The following LRRC8E variants were observed in gnomAD, a reference collection of about 807,000 sequenced individuals.
LRRC8E encodes the protein leucine rich repeat containing 8 VRAC subunit E.
In LRRC8E, 6 loss-of-function variants were observed where a neutral mutation model predicts 6.1. The ratio of observed to expected loss-of-function variants is 0.98; its 90% confidence interval spans 0.54 to 1.93. The LOEUF is 1.93. Among genes scored for constraint, LRRC8E ranks in the 30% most tolerant of loss-of-function variants. The pLI is 0.01. For synonymous variants in LRRC8E, 485 were observed against 472.8 expected, an observed-to-expected ratio of 1.03 and a Z score of -0.33; for missense variants, 1,028 against 1,031.4, an observed-to-expected ratio of 1.00 and a Z score of 0.04.
At chr19:7,897,289 C>T (rs1290612656) in intron 2 of LRRC8E, among the ~76,000 whole-genome samples, 4 of 151,908 alleles carry the variant, frequency 2.6e-5, no homozygotes, top group African/African-American at 9.7e-5. Context: ...CCTGGCTTAG[C>T]CTCCCAAGTA....
intron 2 of LRRC8E, among the ~76,000 whole-genome samples, chr19:7,896,814 C>T (rs904872693): frequency 6.6e-6 from 1 of 151,876 alleles, no homozygotes; most frequent in South Asian, 2.1e-4. Flanking sequence ...AGGCTTGTCT[C>T]GGACTCCGGG....
intron 1 of LRRC8E, among the ~76,000 whole-genome samples, chr19:7,891,523 G>C (rs888926727): frequency 1.6e-5 from 2 of 124,966 alleles, no homozygotes; most frequent in African/African-American, 6.0e-5. Flanking sequence ...GTCCCTGCTC[G>C]GGTGTGTGTG....
At chr19:7,892,710 G>A (rs548893486) in intron 1 of LRRC8E, among the ~76,000 whole-genome samples, 76 of 152,282 alleles carry the variant, frequency 5.0e-4, no homozygotes, top group African/African-American at 1.7e-3. Context: ...ATTTTGGTGG[G>A]TGCAATGTAC....
rs1307657703 is a variant in LRRC8E, at chr19:7,897,170, T to TTA, written c.138+1430_138+1431insAT. ...TGACATTCTCCCAGTATTTTTCTTT[T>TTA]TCTTTTTCTTTTTTTTTTAGACAGA... is the stretch of plus-strand genomic sequence containing the variant. On this transcript the variant is annotated intron_variant, in intron 2 of 2. Transcript: ENST00000306708. 1.3e-4 allele frequency among the ~76,000 whole-genome samples: 16 copies of TTA among 124,376 alleles called. No individual in the cohort carries two copies. The East Asian group carries it at 4.6e-3, about 35-fold the overall frequency. 81.6% of individuals were successfully genotyped at this position (124,376 alleles called of 152,430 possible). A position where few individuals can be genotyped will look rare whatever the true frequency, so the allele number is the denominator to read the frequency against.
In LRRC8E at chr19:7,898,972, C is replaced by G. The variant is rs1034138525; in HGVS notation, c.450C>G (p.Ile150Met). The change falls in exon 3 of 3, where the codon ATC becomes ATG. Residue 150 changes from isoleucine to methionine, a missense_variant. Physicochemically the swap from Ile to Met is conservative, Grantham distance 10. Coordinates refer to ENST00000306708, the MANE Select transcript of LRRC8E (RefSeq NM_025061.6). ...PGTSSKIEHF[I>M]SILGKCFDSP... ...CCAGCTCCAAGATTGAACACTTCAT[C>G]TCCATCCTGGGCAAGTGTTTCGACT... is the stretch of plus-strand genomic sequence containing the variant. 3 of 1,614,178 alleles carry G rather than the reference C, an allele frequency of 1.9e-6. No homozygotes were observed. Among genetic ancestry groups the G allele is most frequent in the Non-Finnish European group, 2.5e-6 (3 of 1,180,036 alleles).
At position 7,890,898 on chromosome 19, in the gene LRRC8E, G is replaced by T. The variant is rs1981271689; in HGVS notation, c.-6+2298G>T. 3.3e-5 allele frequency among the ~76,000 whole-genome samples: 5 copies of T among 152,296 alleles called. No homozygotes were observed. The South Asian group carries it at 1.0e-3, about 32-fold the overall frequency. ...TTTAGTAGACATGGGGTTTTACCAT[G>T]TTGGGCTAGCCTGGTCTCAAACTCC... On this transcript the variant is annotated intron_variant, in intron 1 of 2. Transcript: ENST00000306708.
In LRRC8E at chr19:7,901,001, T is replaced by C. The variant is rs550971313; in HGVS notation, c.*88T>C. On this transcript the variant is annotated 3_prime_UTR_variant, in exon 3 of 3. Transcript: ENST00000306708. The stretch of plus-strand genomic sequence containing the variant: ...TTGTCTTCCAAGATAGGAAGCCAAG[T>C]GGGTCCAGGCCAGGAGATGGGGGGG... The C allele has an allele frequency of 6.3e-6, 4 of 631,016 alleles. No homozygotes were observed. Among genetic ancestry groups the C allele is most frequent in the African/African-American group, 6.2e-5 (3 of 48,532 alleles). The allele number at this position is 631,016 out of a possible 1,614,324, so 39.1% of individuals were successfully genotyped here. A position where few individuals can be genotyped will look rare whatever the true frequency, so the allele number is the denominator to read the frequency against.
chr19:7,898,821 G>A lies in LRRC8E; in HGVS notation c.299G>A (p.Ser100Asn), dbSNP rs1051129225. The stretch of plus-strand genomic sequence containing the variant: ...AACAATTTGGACCTGCAGCAATACA[G>A]CTTTATTAACCAGCTGTGTTATGAG... Reference protein sequence around the residue: ...LKNNLDLQQYSFINQLCYETA... With the variant: ...LKNNLDLQQYNFINQLCYETA... Residue 100 changes from serine (S) to asparagine (N), a missense_variant, in exon 3 of 3, where the codon AGC becomes AAC. By Grantham distance (46) the Ser-to-Asn change is conservative. Transcript: ENST00000306708. The A allele has an allele frequency of 1.4e-5, 23 of 1,614,200 alleles. No individual in the cohort carries two copies. The highest frequency in any genetic ancestry group is 8.3e-5 in the Admixed American group (5 of 60,020).
chr19:7,895,579 C>A lies in LRRC8E; in HGVS notation c.-5-20C>A, dbSNP rs745910112. The A allele has an allele frequency of 1.2e-6, 2 of 1,606,332 alleles. No homozygotes were observed. The highest frequency in any genetic ancestry group is 2.2e-5 in the South Asian group (2 of 90,918). ...CCTGAGGGTCTCTCTCTACACCCCCCGTCTCGTCCCGTCCCACAGGCAGCA... is the reference window on the plus strand; with the variant it reads ...CCTGAGGGTCTCTCTCTACACCCCCAGTCTCGTCCCGTCCCACAGGCAGCA... On this transcript the variant is annotated intron_variant, in intron 1 of 2. Coordinates refer to ENST00000306708, the MANE Select transcript of LRRC8E (RefSeq NM_025061.6). This position sits in a 1 kb window ranked among gnomAD's most constrained non-coding sequence, Gnocchi z 4.7.
rs911604497 is a variant in LRRC8E, at chr19:7,899,855, G to A, written c.1333G>A (p.Glu445Lys). Reference sequence around the variant, plus strand: ...CAGTGAGGTGGAGTCACTCAGGCTGGAGGCCATCTGCGATATCACCTTCCC... The same window carrying A: ...CAGTGAGGTGGAGTCACTCAGGCTGAAGGCCATCTGCGATATCACCTTCCC... ...ELSEVESLRL[E>K]AICDITFPPG... The change falls in exon 3 of 3, where the codon GAG becomes AAG. Residue 445 changes from glutamate (E) to lysine (K), a missense_variant. Physicochemically the swap from Glu to Lys is moderately conservative, Grantham distance 56. Transcript: ENST00000306708. 1.2e-6 allele frequency: 2 copies of A among 1,606,096 alleles called. No homozygotes were observed. Among genetic ancestry groups the A allele is most frequent in the Non-Finnish European group, 8.5e-7 (1 of 1,179,940 alleles).
At chr19:7,894,074 A>G (rs525123) in intron 1 of LRRC8E, among the ~76,000 whole-genome samples, 96,418 of 151,952 alleles carry the variant, frequency 0.63, 31,030 homozygotes, top group Non-Finnish European at 0.7. Context: ...AGGCTCAGAC[A>G]TGTCAGAACC....
At position 7,895,733 on chromosome 19, in the gene LRRC8E, A is replaced by C. The variant is rs1599605660; in HGVS notation, c.130A>C (p.Thr44Pro). Reference protein sequence around the residue: ...AMLMIGVFGCTLQVTQDKIIC... With the variant: ...AMLMIGVFGCPLQVTQDKIIC... ...GCTCATGATTGGGGTCTTTGGCTGC[A>C]CCCTCCAGGTGAGGCCCTCCCCTGG... The change falls in exon 2 of 3, where the codon ACC becomes CCC. Residue 44 changes from threonine (T) to proline (P), a missense_variant. Thr to Pro is a conservative substitution (Grantham distance 38, BLOSUM62 -1). Transcript: ENST00000306708. This position sits in a 1 kb window ranked among gnomAD's most constrained non-coding sequence, Gnocchi z 4.7. 6.2e-7 allele frequency: 1 copy of C among 1,613,374 alleles called. No homozygotes were observed.
chr19:7,889,754 C>CTTT (rs556208936), intron 1 of LRRC8E, among the ~76,000 whole-genome samples: 6 of 120,980 alleles, frequency 5.0e-5, no homozygotes, highest in African/African-American at 1.4e-4. Flanking sequence ...CTCTCTCTCT[C>CTTT]TTTTTTTTTT....
chr19:7,894,271 G>A (rs921012643), intron 1 of LRRC8E, among the ~76,000 whole-genome samples: 1 of 152,172 alleles, frequency 6.6e-6, no homozygotes, highest in Non-Finnish European at 1.5e-5. Context: ...TGTCACCCAG[G>A]CTGGAGTGCA....
chr19:7,896,466 T>G (rs1159829218), intron 2 of LRRC8E, among the ~76,000 whole-genome samples: 1 of 151,246 alleles, frequency 6.6e-6, no homozygotes, highest in South Asian at 2.1e-4. Flanking sequence ...CCCAGCTACT[T>G]GGAAGGCTGA....
intron 1 of LRRC8E, among the ~76,000 whole-genome samples, chr19:7,894,226 CTTTTGTTTT>C (rs1981460060): frequency 6.6e-6 from 1 of 152,084 alleles, no homozygotes. Flanking sequence ...TTATCTTTGT[CTTTTGTTTT>C]GTTTGTTTGA....
rs61051164 is a variant in LRRC8E at position 7,900,411 on chromosome 19, G to A, written c.1889G>A (p.Arg630Gln). 212 of 1,612,844 alleles carry A rather than the reference G, an allele frequency of 1.3e-4. No individual in the cohort carries two copies. The highest frequency in any genetic ancestry group is 1.3e-3 in the African/African-American group (94 of 75,034). Residue 630 changes from arginine to glutamine, a missense_variant, in exon 3 of 3, where the codon CGG becomes CAG. Coordinates refer to ENST00000306708, the MANE Select transcript of LRRC8E (RefSeq NM_025061.6). The surrounding 1 kb of genome is among the most constrained non-coding windows in gnomAD (Gnocchi z 5.0). ...GAAATCCTCAGCTTCCAGCACTGCC[G>A]GAAGCTGGTCACGCTCAGGCTGTGG... ...IEEILSFQHCRKLVTLRLWHN... is the reference protein window; with the variant it reads ...IEEILSFQHCQKLVTLRLWHN...
chr19:7,895,636 G>C lies in LRRC8E; in HGVS notation c.33G>C (p.Thr11=). MIPVAEFKQF[T]EQQPAFKVLK... ...CAGTGGCCGAGTTCAAGCAGTTCAC[G>C]GAACAGCAGCCTGCGTTCAAGGTGC... is the stretch of plus-strand genomic sequence containing the variant. The change falls in exon 2 of 3, where the codon ACG becomes ACC. Residue 11 remains threonine, a synonymous_variant. Coordinates refer to ENST00000306708, the MANE Select transcript of LRRC8E (RefSeq NM_025061.6). The surrounding 1 kb of genome is among the most constrained non-coding windows in gnomAD (Gnocchi z 4.7). The C allele has an allele frequency of 1.2e-6, 2 of 1,614,012 alleles. No homozygotes were observed. The highest frequency in any genetic ancestry group is 8.5e-7 in the Non-Finnish European group (1 of 1,179,952).
rs141616276 is a variant in LRRC8E, at chr19:7,899,298, C to T, written c.776C>T (p.Thr259Met). Residue 259 changes from threonine to methionine, a missense_variant, in exon 3 of 3, where the codon ACG becomes ATG. Coordinates refer to ENST00000306708, the MANE Select transcript of LRRC8E (RefSeq NM_025061.6). ...CTGTACACCATGTACATCCGACAGA[C>T]GGTGCTGAAAGTGTGTAAGTTCCTG... is the stretch of plus-strand genomic sequence containing the variant. ...DILYTMYIRQTVLKVCKFLAI... is the reference protein window; with the variant it reads ...DILYTMYIRQMVLKVCKFLAI... The T allele has an allele frequency of 2.4e-5, 39 of 1,614,186 alleles. No individual in the cohort carries two copies. The African/African-American group carries it at 2.8e-4, about 12-fold the overall frequency.
Sources: gnomAD v4.1 joint callset for allele counts (sites outside exome capture counted in the v4.1 genomes callset) on GRCh38, gnomAD v4.1.1 for gene constraint, Gnocchi (gnomAD v3.1) non-coding constraint, MANE v1.5 for transcripts, NCBI Gene and HGNC (gene_info 2026-07-23, HGNC 2026-07-21) for gene names.